Variants in ANO10 observed in about 807,000 individuals in gnomAD.
The protein encoded by ANO10 is anoctamin 10.
In ANO10, 77 loss-of-function variants were observed where a neutral mutation model predicts 74.7. That is an observed-to-expected ratio of 1.03 (90% CI 0.86 to 1.25). The LOEUF is 1.25. Among genes scored for constraint, ANO10 ranks in the 50% most tolerant of loss-of-function variants. The pLI is 0.00. For missense variants in ANO10, 721 were observed against 778.1 expected (o/e 0.93, Z 0.87); for synonymous variants, 279 against 284.9 (o/e 0.98, Z 0.21).
intron 1 of ANO10, chr3:43,637,633 C>T (rs1013164699): frequency 2.0e-5 from 3 of 150,550 alleles, no homozygotes; most frequent in African/African-American, 7.3e-5. Flanking sequence ...CAGTGCACAT[C>T]GTTCCTGTGC....
At chr3:43,514,042 T>C (rs1181496235) in intron 11 of ANO10, among the ~76,000 whole-genome samples, 4 of 150,756 alleles carry the variant, frequency 2.7e-5, no homozygotes, top group Non-Finnish European at 5.9e-5. Context: ...ATTTATATAA[T>C]TTATTACATT....
At chr3:43,387,777 G>A (rs2092165682) in intron 12 of ANO10, among the ~76,000 whole-genome samples, 2 of 152,100 alleles carry the variant, frequency 1.3e-5, no homozygotes, top group Admixed American at 1.3e-4. Context: ...TTCACAGGTG[G>A]CAGGACAGCC....
intron 11 of ANO10, among the ~76,000 whole-genome samples, chr3:43,505,056 G>A (rs1209766196): frequency 6.6e-6 from 1 of 152,192 alleles, no homozygotes; most frequent in East Asian, 1.9e-4. Context: ...TAAGTGCCAT[G>A]AGAGTTGCTC....
chr3:43,386,394 GGGAAA>G (rs964244605), intron 12 of ANO10, among the ~76,000 whole-genome samples: 2 of 137,986 alleles, frequency 1.4e-5, no homozygotes, highest in African/African-American at 5.0e-5. Flanking sequence ...GAAAGGGGAA[GGGAAA>G]GGAAAGGGAA....
intron 11 of ANO10, among the ~76,000 whole-genome samples, chr3:43,475,754 A>G (rs2076041883): frequency 6.6e-6 from 1 of 152,054 alleles, no homozygotes; most frequent in East Asian, 1.9e-4. Flanking sequence ...ATGTGCTACC[A>G]CACCTGGCAA....
intron 1 of ANO10, among the ~76,000 whole-genome samples, chr3:43,635,214 A>G (rs1038425174): frequency 1.2e-4 from 19 of 152,222 alleles, no homozygotes; most frequent in Non-Finnish European, 2.6e-4. Flanking sequence ...GTAACAGCCT[A>G]CACATCATTT....
In ANO10 at chr3:43,555,331, T is replaced by C. The variant is rs755556322; in HGVS notation, c.1615A>G (p.Arg539Gly). The change falls in exon 10 of 13, where the codon AGG (arginine) becomes GGG (glycine). Residue 539 changes from arginine to glycine, a missense_variant. Coordinates refer to ENST00000292246, the MANE Select transcript of ANO10 (RefSeq NM_018075.5). Reference protein sequence around the residue: ...EVNSDALKMCRVFKRPFSEPS... With the variant: ...EVNSDALKMCGVFKRPFSEPS... Reference sequence around the variant, plus strand: ...TCTGAGAATGGACGTTTGAAGACCCTGCACATTTTTAAGGCATCTGAATTT... The same window carrying C: ...TCTGAGAATGGACGTTTGAAGACCCCGCACATTTTTAAGGCATCTGAATTT... 4 of 1,614,178 alleles carry C rather than the reference T, an allele frequency of 2.5e-6. No individual in the cohort carries two copies. Among genetic ancestry groups the C allele is most frequent in the Admixed American group, 3.3e-5 (2 of 60,018 alleles).
intron 12 of ANO10, among the ~76,000 whole-genome samples, chr3:43,385,801 C>A (rs184650064): frequency 3.1e-3 from 465 of 152,154 alleles, no homozygotes; most frequent in Non-Finnish European, 5.6e-3. Flanking sequence ...AAAGACTACA[C>A]ATTGGGTACA....
At chr3:43,417,204 C>T (rs755034914) in intron 12 of ANO10, among the ~76,000 whole-genome samples, 28 of 152,140 alleles carry the variant, frequency 1.8e-4, no homozygotes, top group East Asian at 1.9e-4. Flanking sequence ...GGAACTTGCA[C>T]GGGTGAATGC....
intron 1 of ANO10, among the ~76,000 whole-genome samples, chr3:43,650,829 T>A (rs2083779345): frequency 6.6e-6 from 1 of 152,188 alleles, no homozygotes; most frequent in African/African-American, 2.4e-5. Flanking sequence ...ATGTAATAAA[T>A]GAACAATTTG....
In ANO10 at chr3:43,577,586, G is replaced by A. The variant is rs987607304; in HGVS notation, c.593-325C>T. 1.1e-4 allele frequency among the ~76,000 whole-genome samples: 16 copies of A among 152,104 alleles called. 1 individual carries two copies. The highest frequency in any genetic ancestry group is 2.9e-5 in the Non-Finnish European group (2 of 68,022). On this transcript the variant is annotated intron_variant, in intron 5 of 12. Transcript: ENST00000292246. ...TTGTAGCTTACCCAAAATCTCCAAG[G>A]TCCTAATTTAAGTTCAGCCATGTCC...
chr3:43,504,377 T>TCC (rs1443721467), intron 11 of ANO10, among the ~76,000 whole-genome samples: 1 of 151,804 alleles, frequency 6.6e-6, no homozygotes, highest in Non-Finnish European at 1.5e-5. Context: ...TAAAGTGTGA[T>TCC]CTACAGGTGA....
At chr3:43,579,509 G>T (rs1171856067) in intron 5 of ANO10, among the ~76,000 whole-genome samples, 2 of 152,110 alleles carry the variant, frequency 1.3e-5, no homozygotes, top group Non-Finnish European at 2.9e-5. Context: ...CCTAAGGTCA[G>T]GAGTTCGAAA....
Position 43,600,481 on chromosome 3 carries a change from T to C in ANO10, c.240A>G (p.Leu80=). The C allele has an allele frequency of 6.2e-7, 1 of 1,614,162 alleles. No homozygotes were observed. The highest frequency in any genetic ancestry group is 8.5e-7 in the Non-Finnish European group (1 of 1,180,012). Residue 80 remains leucine (L), a synonymous_variant, in exon 3 of 13, where the codon TTA becomes TTG. Coordinates refer to ENST00000292246, the MANE Select transcript of ANO10 (RefSeq NM_018075.5). Reference sequence around the variant, plus strand: ...CCAATCCCACTGCTTCTGCCCCTAGTAACATTCTAATCTTGGAGGCACCAA... The same window carrying C: ...CCAATCCCACTGCTTCTGCCCCTAGCAACATTCTAATCTTGGAGGCACCAA... The part of the protein sequence containing the change: ...YLVGASKIRM[L]LGAEAVGLVK...
chr3:43,369,434 C>A (rs1454368766), intron 12 of ANO10, among the ~76,000 whole-genome samples: 1 of 152,246 alleles, frequency 6.6e-6, no homozygotes, highest in Non-Finnish European at 1.5e-5. Flanking sequence ...CAGGCAGGAG[C>A]CATTTGCACA....
intron 1 of ANO10, among the ~76,000 whole-genome samples, chr3:43,628,837 G>A (rs988134703): frequency 3.3e-5 from 5 of 152,052 alleles, no homozygotes; most frequent in African/African-American, 4.8e-5. Flanking sequence ...TGGTCAGACC[G>A]GTTGCTCTCA....
chr3:43,544,555 G>A (rs1157964512), intron 11 of ANO10, among the ~76,000 whole-genome samples: 1 of 152,110 alleles, frequency 6.6e-6, no homozygotes, highest in Non-Finnish European at 1.5e-5. Flanking sequence ...CACTTTGGGA[G>A]GCTGAGGCAG....
rs1297446953 is a variant in ANO10 at position 43,668,735 on chromosome 3, G to A, written c.-12+22782C>T. Among the ~76,000 whole-genome samples, 3 of 152,138 alleles carry A rather than the reference G, an allele frequency of 2.0e-5. No individual in the cohort carries two copies. In the East Asian group the frequency reaches 5.8e-4, roughly 29 times the overall value. On this transcript the variant is annotated intron_variant, in intron 1 of 3. Transcript: ENST00000413397. ...ATGCTTTGTTGAAGATCAGTTGGCT[G>A]TAAGTATTTGTCCTTATTTCTGGGT...
At chr3:43,633,007 G>A (rs777663952) in intron 1 of ANO10, among the ~76,000 whole-genome samples, 4 of 152,070 alleles carry the variant, frequency 2.6e-5, no homozygotes, top group South Asian at 2.1e-4. Flanking sequence ...TTCGCATCAC[G>A]TTTAAAATGC....
Sources: gnomAD v4.1 joint callset for allele counts (sites outside exome capture counted in the v4.1 genomes callset) on GRCh38, gnomAD v4.1.1 for gene constraint, MANE v1.5 for transcripts, NCBI Gene and HGNC (gene_info 2026-07-23, HGNC 2026-07-21) for gene names.